Variants in POTEE observed in about 807,000 individuals in gnomAD.
POTEE encodes the protein ANKRD26-like family C member 1A.
POTEE carries 21 observed loss-of-function variants against 74.2 expected under a neutral mutation model. That is an observed-to-expected ratio of 0.28 (90% confidence interval 0.20 to 0.41). The LOEUF (loss-of-function observed/expected upper bound fraction) is 0.41. POTEE is among the 10% of genes least tolerant of loss of function. The pLI is 1.00. For missense variants in POTEE, 525 were observed against 1,158.6 expected, an observed-to-expected ratio of 0.45 and a Z score of 7.94; for synonymous variants, 211 against 432.8, an observed-to-expected ratio of 0.49 and a Z score of 6.36.
chr2:131,219,185 TAA>T (rs1427422006), intron 4 of POTEE, among the ~76,000 whole-genome samples: 1 of 151,416 alleles, frequency 6.6e-6, no homozygotes, highest in Non-Finnish European at 1.5e-5. Context: ...CAAAATTAAT[TAA>T]GTCAATGCAG....
chr2:131,222,376 T>C (rs1700646756), intron 4 of POTEE, among the ~76,000 whole-genome samples: 1 of 151,920 alleles, frequency 6.6e-6, no homozygotes, highest in East Asian at 1.9e-4. Context: ...CACAGATACC[T>C]AGAGGGAAGC....
chr2:131,213,257 A>C (rs202074269), intron 2 of POTEE, among the ~76,000 whole-genome samples: 1 of 149,356 alleles, frequency 6.7e-6, no homozygotes, highest in Admixed American at 6.6e-5. Context: ...AACCAAAAAC[A>C]AGGCTTTATT....
intron 12 of POTEE, among the ~76,000 whole-genome samples, chr2:131,242,381 A>T: frequency 8.8e-5 from 1 of 11,322 alleles, no homozygotes; most frequent in African/African-American, 2.5e-4. Flanking sequence ...TTGGTTAGTT[A>T]TTGGGTATCA....
chr2:131,220,417 G>T (rs1700581622), intron 4 of POTEE, among the ~76,000 whole-genome samples: 1 of 151,908 alleles, frequency 6.6e-6, no homozygotes, highest in African/African-American at 2.4e-5. Context: ...TCTTGGCCAG[G>T]CAGGTCTTGA....
chr2:131,222,541 A>G (rs2105074126), intron 4 of POTEE, among the ~76,000 whole-genome samples: 1 of 152,098 alleles, frequency 6.6e-6, no homozygotes, highest in East Asian at 1.9e-4. Context: ...ACAAACCTGC[A>G]CATCTGGCAC....
intron 1 of POTEE, among the ~76,000 whole-genome samples, chr2:131,210,099 C>T (rs552477906): frequency 1.9e-4 from 27 of 139,072 alleles, no homozygotes; most frequent in Admixed American, 1.2e-3. Context: ...CTGCACTGCC[C>T]GGGGCAGGGA....
chr2:131,257,121 C>T (rs1268599033), intron 16 of POTEE, among the ~76,000 whole-genome samples: 1 of 131,428 alleles, frequency 7.6e-6, no homozygotes, highest in African/African-American at 3.0e-5. Context: ...TCCCATCAAA[C>T]ACATAAAGAT....
rs190415491 is a variant in POTEE at position 131,210,173 on chromosome 2, G to A, written c.-345+354G>A. On this transcript the variant is annotated intron_variant, in intron 1 of 17. Coordinates refer to ENST00000683005, the MANE Select transcript of POTEE (RefSeq NM_001083538.3). ...CGGGGGGTGGTTTAGGAGTGTTGTC[G>A]GGTGCTGCACTGCCCTTACTCAGGG... is the stretch of plus-strand genomic sequence containing the variant. Among the ~76,000 whole-genome samples the A allele has an allele frequency of 6.7e-5, 9 of 133,976 alleles. No homozygotes were observed. In the South Asian group the frequency reaches 2.1e-3, roughly 31 times the overall value. 87.9% of individuals were successfully genotyped at this position (133,976 alleles called of 152,430 possible). A position where few individuals can be genotyped will look rare whatever the true frequency, so the allele number is the denominator to read the frequency against.
In POTEE at chr2:131,229,003, C is replaced by G. The variant is rs1177382666; in HGVS notation, c.1055+622C>G. ...ACAGTGACTTTGATGTTTTTTAATT[C>G]CCATACCTATGCTTATATGCTCAGC... On this transcript the variant is annotated intron_variant, in intron 8 of 17. Coordinates refer to ENST00000683005, the MANE Select transcript of POTEE (RefSeq NM_001083538.3). 2.0e-5 allele frequency among the ~76,000 whole-genome samples: 3 copies of G among 149,404 alleles called. 1 individual carries two copies. The highest frequency in any genetic ancestry group is 2.0e-4 in the Admixed American group (3 of 15,152).
chr2:131,225,693 T>G (rs557082207), intron 6 of POTEE, among the ~76,000 whole-genome samples: 41 of 148,896 alleles, frequency 2.8e-4, no homozygotes, highest in African/African-American at 6.0e-4. Flanking sequence ...TCAGTTTTTT[T>G]TTTTTTTTTT....
At chr2:131,237,620 T>C (rs1701176571) in intron 10 of POTEE, among the ~76,000 whole-genome samples, 1 of 151,526 alleles carries the variant, frequency 6.6e-6, no homozygotes. Context: ...CATAACACTA[T>C]CATATGACAG....
chr2:131,225,767 T>A (rs1700766271), intron 6 of POTEE, among the ~76,000 whole-genome samples: 1 of 151,262 alleles, frequency 6.6e-6, no homozygotes, highest in Non-Finnish European at 1.5e-5. Context: ...CTCAAGCGAT[T>A]CACCCACCTC....
At chr2:131,236,018 G>C (rs1318213592) in intron 9 of POTEE, among the ~76,000 whole-genome samples, 1 of 152,056 alleles carries the variant, frequency 6.6e-6, no homozygotes, top group Non-Finnish European at 1.5e-5. Flanking sequence ...CAGCAGATTT[G>C]CATCCGAAAG....
chr2:131,217,675 C>CTTAA lies in POTEE; in HGVS notation c.-101_-98dup, dbSNP rs1700474151. Among the ~76,000 whole-genome samples the CTTAA allele has an allele frequency of 6.7e-6, 1 of 149,906 alleles. No homozygotes were observed. Among genetic ancestry groups the CTTAA allele is most frequent in the Non-Finnish European group, 1.5e-5 (1 of 67,316 alleles). On this transcript the variant is annotated 5_prime_UTR_variant, in exon 3 of 18. Transcript: ENST00000683005. ...GTCAGTGACATTCGTGGCGCCAAGACTTAAGCAGGCGCGTTGCATGCATCG... is the reference window on the plus strand; with the variant it reads ...GTCAGTGACATTCGTGGCGCCAAGACTTAATTAAGCAGGCGCGTTGCATGCATCG...
In POTEE at chr2:131,224,014, T is replaced by A; in HGVS notation, c.781T>A (p.Tyr261Asn). The part of the protein sequence containing the change: ...DKLMAKALLL[Y>N]GADIESKNKH... ...ATTAATGGCCAAAGCACTGCTCTTA[T>A]ATGGTGCTGATATCGAATCAAAAAA... Residue 261 changes from tyrosine to asparagine, a missense_variant, in exon 6 of 18, where the codon TAT (tyrosine) becomes AAT (asparagine). By Grantham distance (143) the Tyr-to-Asn change is moderately radical. Transcript: ENST00000683005. 1 of 1,477,926 alleles carries A rather than the reference T, an allele frequency of 6.8e-7. No individual in the cohort carries two copies. The highest frequency in any genetic ancestry group is 9.1e-7 in the Non-Finnish European group (1 of 1,101,954). The allele number at this position is 1,477,926 out of a possible 1,614,324, so 91.6% of individuals were successfully genotyped here.
At position 131,209,636 on chromosome 2, in the gene POTEE, C is replaced by G. The variant is rs1700313066; in HGVS notation, c.-528C>G. 7.2e-6 allele frequency among the ~76,000 whole-genome samples: 1 copy of G among 139,134 alleles called. No individual in the cohort carries two copies. The highest frequency in any genetic ancestry group is 1.6e-5 in the Non-Finnish European group (1 of 62,678). The allele number at this position is 139,134 out of a possible 152,430, so 91.3% of individuals were successfully genotyped here. Reference sequence around the variant, plus strand: ...GGCTCACTGCAGTTGGTGGTGTCCACAGAGCGGTAGGAGGGCAACTAGTAG... The same window carrying G: ...GGCTCACTGCAGTTGGTGGTGTCCAGAGAGCGGTAGGAGGGCAACTAGTAG... On this transcript the variant is annotated 5_prime_UTR_variant, in exon 1 of 18. Coordinates refer to ENST00000683005, the MANE Select transcript of POTEE (RefSeq NM_001083538.3).
chr2:131,215,258 T>C (rs189751912), intron 2 of POTEE, among the ~76,000 whole-genome samples: 146 of 152,250 alleles, frequency 9.6e-4, no homozygotes, highest in African/African-American at 3.4e-3. Context: ...TTTTTCTATG[T>C]AAATAAATAT....
intron 6 of POTEE, among the ~76,000 whole-genome samples, chr2:131,225,049 G>A (rs1054628816): frequency 1.3e-5 from 2 of 152,028 alleles, no homozygotes; most frequent in Admixed American, 6.5e-5. Flanking sequence ...TACTCTTTTT[G>A]GCCAAATCTT....
chr2:131,236,116 T>G (rs901017666), intron 9 of POTEE, among the ~76,000 whole-genome samples: 3 of 152,174 alleles, frequency 2.0e-5, no homozygotes, highest in African/African-American at 7.2e-5. Context: ...GTGACAGTTT[T>G]GCAACCTCAG....
Sources: allele counts gnomAD v4.1 joint callset (sites outside exome capture counted in the v4.1 genomes callset), GRCh38; gene constraint gnomAD v4.1.1; transcripts MANE v1.5; gene names NCBI Gene and HGNC (gene_info 2026-07-23, HGNC 2026-07-21).